The following PTPN1 variants were observed in gnomAD, a reference collection of about 807,000 sequenced individuals.
PTPN1 encodes tyrosine-protein phosphatase non-receptor type 1.
A neutral mutation model predicts 59.9 loss-of-function variants in PTPN1; 12 were observed. That is an observed-to-expected ratio of 0.20 (90% CI 0.13 to 0.32). PTPN1 has a LOEUF of 0.32. Among genes scored for constraint, PTPN1 ranks in the 10% least tolerant of loss-of-function variants. The pLI is 1.00. For synonymous variants in PTPN1, 178 were observed against 203.6 expected (o/e 0.87, Z 1.07); for missense variants, 356 against 549.2 (o/e 0.65, Z 3.52).
intron 8 of PTPN1, among the ~76,000 whole-genome samples, chr20:50,580,546 G>A (rs1219913347): frequency 6.6e-6 from 1 of 152,194 alleles, no homozygotes; most frequent in East Asian, 1.9e-4. Context: ...GGTCAGGGAA[G>A]GCTGCTTGCA....
intron 1 of PTPN1, among the ~76,000 whole-genome samples, chr20:50,557,356 A>C (rs2122771884): frequency 6.6e-6 from 1 of 152,162 alleles, no homozygotes; most frequent in South Asian, 2.1e-4. Flanking sequence ...TCCGCCTCTC[A>C]GGTAGCTGAG....
In PTPN1 at chr20:50,568,589, G is replaced by T. The variant is rs1037152776; in HGVS notation, c.354+111G>T. The T allele has an allele frequency of 2.8e-5, 24 of 844,292 alleles. No individual in the cohort carries two copies. Among genetic ancestry groups the T allele is most frequent in the Non-Finnish European group, 4.1e-5 (22 of 530,260 alleles). The allele number at this position is 844,292 out of a possible 1,614,324, so 52.3% of individuals were successfully genotyped here. ...TTTCTTGCCTTTGTATTTCCTTTAC[G>T]TAGTATTTTTATTTAAAAAAATTAA... On this transcript the variant is annotated intron_variant, in intron 4 of 9. Coordinates refer to ENST00000371621, the MANE Select transcript of PTPN1 (RefSeq NM_002827.4). This position sits in a 1 kb window ranked among gnomAD's most constrained non-coding sequence, Gnocchi z 5.6.
intron 1 of PTPN1, among the ~76,000 whole-genome samples, chr20:50,529,275 A>T (rs2082590708): frequency 6.6e-6 from 1 of 152,166 alleles, no homozygotes; most frequent in Non-Finnish European, 1.5e-5. Context: ...CAAACTTCGT[A>T]GGTTTTGTAG....
chr20:50,578,617 C>G lies in PTPN1; in HGVS notation c.690C>G (p.Thr230=). 1.9e-6 allele frequency: 3 copies of G among 1,613,392 alleles called. No homozygotes were observed. The highest frequency in any genetic ancestry group is 1.7e-6 in the Non-Finnish European group (2 of 1,179,396). ...CTGGAACCTTCTGTCTGGCTGATAC[C>G]TGCCTCTTGCTGGTAAGGAGGCCCT... ...GRSGTFCLAD[T]CLLLMDKRKD... Residue 230 remains threonine, a synonymous_variant, in exon 6 of 10, where the codon ACC becomes ACG. Transcript: ENST00000371621.
chr20:50,549,025 G>A (rs940904016), intron 1 of PTPN1, among the ~76,000 whole-genome samples: 2 of 152,160 alleles, frequency 1.3e-5, no homozygotes, highest in African/African-American at 4.8e-5. Context: ...GCCCAAGTAT[G>A]TTTATTTTTA....
intron 3 of PTPN1, among the ~76,000 whole-genome samples, chr20:50,567,384 G>C (rs535528764): frequency 6.6e-6 from 1 of 152,102 alleles, no homozygotes; most frequent in African/African-American, 2.4e-5. Context: ...CCAGGATTGC[G>C]CCCCTGTACT....
At chr20:50,526,577 A>C (rs117607437) in intron 1 of PTPN1, among the ~76,000 whole-genome samples, 7,637 of 152,202 alleles carry the variant, frequency 0.05, 278 homozygotes, top group Non-Finnish European at 0.076. Flanking sequence ...CTTCCCTGGC[A>C]GTTGAGATAG....
chr20:50,545,998 A>G (rs749901135), intron 1 of PTPN1, among the ~76,000 whole-genome samples: 2 of 152,020 alleles, frequency 1.3e-5, no homozygotes, highest in Non-Finnish European at 2.9e-5. Flanking sequence ...TTATTGTGCC[A>G]CTGCACTCCA....
At chr20:50,581,138 G>T (rs971486616) in intron 8 of PTPN1, 127 bp from the exon 9 acceptor site, 5 of 1,412,848 alleles carry the variant, frequency 3.5e-6, no homozygotes, top group Non-Finnish European at 3.7e-6. Flanking sequence ...CTCGCTGGAA[G>T]GTTAACATCA....
chr20:50,518,436 T>C (rs1269900714), intron 1 of PTPN1, among the ~76,000 whole-genome samples: 1 of 152,260 alleles, frequency 6.6e-6, no homozygotes. Context: ...CATTTGTCGC[T>C]GTTAACTACT....
At chr20:50,514,404 C>T (rs2082520198) in intron 1 of PTPN1, among the ~76,000 whole-genome samples, 1 of 152,198 alleles carries the variant, frequency 6.6e-6, no homozygotes, top group African/African-American at 2.4e-5. Flanking sequence ...TTTGACTTAG[C>T]TACTGAAATA....
intron 1 of PTPN1, among the ~76,000 whole-genome samples, chr20:50,560,085 G>C (rs2082745333): frequency 6.6e-6 from 1 of 151,994 alleles, no homozygotes; most frequent in Non-Finnish European, 1.5e-5. Flanking sequence ...CCTTTTGTCT[G>C]GTCAGATTAT....
chr20:50,539,669 T>A (rs867859871), intron 1 of PTPN1, among the ~76,000 whole-genome samples: 7 of 110,952 alleles, frequency 6.3e-5, no homozygotes, highest in South Asian at 2.6e-4. Context: ...TTTTTTTTTT[T>A]AAACAGACAG....
Position 50,568,478 on chromosome 20 carries a change from G to A in PTPN1, c.354G>A (p.Ser118=), listed in dbSNP as rs762199981. Residue 118 remains serine, a splice_region_variant and synonymous_variant, in exon 4 of 10, where the codon TCG becomes TCA. Transcript: ENST00000371621. This position sits in a 1 kb window ranked among gnomAD's most constrained non-coding sequence, Gnocchi z 5.6. ...VMLNRVMEKG[S]LKCAQYWPQK... is the part of the protein sequence containing the mutation. Reference sequence around the variant, plus strand: ...TCAACAGAGTGATGGAGAAAGGTTCGGTAAGTCTCGGCTTCATTTGCTGTG... The same window carrying A: ...TCAACAGAGTGATGGAGAAAGGTTCAGTAAGTCTCGGCTTCATTTGCTGTG... The A allele has an allele frequency of 8.1e-6, 13 of 1,612,184 alleles. No individual in the cohort carries two copies. Among genetic ancestry groups the A allele is most frequent in the South Asian group, 1.1e-5 (1 of 91,028 alleles).
chr20:50,564,558 C>T (rs1257850136), intron 2 of PTPN1, among the ~76,000 whole-genome samples: 1 of 152,088 alleles, frequency 6.6e-6, no homozygotes, highest in African/African-American at 2.4e-5. Context: ...CATGCCACTG[C>T]ACTCCAGCCT....
intron 1 of PTPN1, among the ~76,000 whole-genome samples, chr20:50,512,786 A>G (rs1023837711): frequency 6.6e-6 from 1 of 152,228 alleles, no homozygotes; most frequent in Non-Finnish European, 1.5e-5. Flanking sequence ...TAAAGTGGCT[A>G]ACTTTCCAAG....
At chr20:50,542,373 T>C (rs548289177) in intron 1 of PTPN1, among the ~76,000 whole-genome samples, 2 of 152,324 alleles carry the variant, frequency 1.3e-5, no homozygotes, top group Admixed American at 6.5e-5. Context: ...CACATTCTAA[T>C]AGTGATTTTT....
chr20:50,582,797 T>G lies in PTPN1; in HGVS notation c.*82T>G. 1 of 1,568,502 alleles carries G rather than the reference T, an allele frequency of 6.4e-7. No individual in the cohort carries two copies. The highest frequency in any genetic ancestry group is 1.1e-5 in the South Asian group (1 of 88,058). The stretch of plus-strand genomic sequence containing the variant: ...CGCCCGACTAGCAGGCATGCCGCGG[T>G]AGGTAAGGGCCGCCGGACCGCGTAG... On this transcript the variant is annotated 3_prime_UTR_variant, in exon 10 of 10. Transcript: ENST00000371621. The surrounding 1 kb of genome is among the most constrained non-coding windows in gnomAD (Gnocchi z 4.2).
chr20:50,541,125 C>G (rs2082650260), intron 1 of PTPN1, among the ~76,000 whole-genome samples: 1 of 152,152 alleles, frequency 6.6e-6, no homozygotes, highest in Admixed American at 6.5e-5. Flanking sequence ...ATGTTTCTCT[C>G]AACACCCAGC....
Sources: allele counts gnomAD v4.1 joint callset (sites outside exome capture counted in the v4.1 genomes callset), GRCh38; gene constraint gnomAD v4.1.1; non-coding constraint Gnocchi (gnomAD v3.1); transcripts MANE v1.5; gene names NCBI Gene and HGNC (gene_info 2026-07-23, HGNC 2026-07-21).